Variants in KMT2C observed in about 807,000 individuals in gnomAD.
KMT2C encodes histone-lysine N-methyltransferase 2C.
In KMT2C, 88 loss-of-function variants were observed where a neutral mutation model predicts 507.9. That is an observed-to-expected ratio of 0.17 (90% CI 0.15 to 0.21). The LOEUF (loss-of-function observed/expected upper bound fraction) is 0.21. KMT2C is among the 10% of genes least tolerant of loss of function. KMT2C has a pLI of 1.00. For missense variants in KMT2C, 4,954 were observed against 5,957.8 expected (o/e 0.83, Z 5.55); for synonymous variants, 2,049 against 2,080.8 (o/e 0.98, Z 0.42).
At chr7:152,167,707 A>G (rs555988724) in intron 41 of KMT2C, among the ~76,000 whole-genome samples, 15 of 152,316 alleles carry the variant, frequency 9.8e-5, no homozygotes, top group African/African-American at 3.6e-4. Flanking sequence ...AAGCCAAACT[A>G]CATACTAAGG....
rs773392142 is a variant in KMT2C, at chr7:152,265,031, A to T, written c.1184+7T>A. On this transcript the variant is annotated splice_region_variant and intron_variant, in intron 8 of 58. Coordinates refer to ENST00000262189, the MANE Select transcript of KMT2C (RefSeq NM_170606.3). ...ATACACAGCTTTGAATTGAAATGAA[A>T]ACTTACTTGCAGTTCTGGCACACTT... is the stretch of plus-strand genomic sequence containing the variant. 1 of 1,613,434 alleles carries T rather than the reference A, an allele frequency of 6.2e-7. No individual in the cohort carries two copies.
chr7:152,162,857 A>G lies in KMT2C; in HGVS notation c.10720T>C (p.Ser3574Pro), dbSNP rs773202547. ...TAACTGTGTCCATGGGTTATAGTAG[A>G]ATCTTGGCCACATGGGAGACTGCTA... ...ANSSLPCGQD[S>P]TITHGHSYPG... The change falls in exon 43 of 59, where the codon TCT (serine) becomes CCT (proline). Residue 3574 changes from serine to proline, a missense_variant. By Grantham distance (74) the Ser-to-Pro change is moderately conservative. Coordinates refer to ENST00000262189, the MANE Select transcript of KMT2C (RefSeq NM_170606.3). 6.2e-7 allele frequency: 1 copy of G among 1,614,150 alleles called. No homozygotes were observed. The highest frequency in any genetic ancestry group is 1.7e-5 in the Admixed American group (1 of 60,026).
chr7:152,162,725 A>G lies in KMT2C; in HGVS notation c.10852T>C (p.Ser3618Pro). Residue 3618 changes from serine to proline, a missense_variant, in exon 43 of 59, where the codon TCC becomes CCC. Around this residue, in one of 29 missense-constraint regions of KMT2C, gnomAD observed 801 missense variants for 751.2 expected, o/e 1.07. Coordinates refer to ENST00000262189, the MANE Select transcript of KMT2C (RefSeq NM_170606.3). ...RKKKRDDDAESTKAPSTPHSD... is the reference protein window; with the variant it reads ...RKKKRDDDAEPTKAPSTPHSD... ...TGGGGAGTTGATGGAGCCTTGGTGGATTCTGCATCATCATCTCTTTTCTTC... is the reference window on the plus strand; with the variant it reads ...TGGGGAGTTGATGGAGCCTTGGTGGGTTCTGCATCATCATCTCTTTTCTTC... 6.2e-7 allele frequency: 1 copy of G among 1,614,146 alleles called. No individual in the cohort carries two copies. Among genetic ancestry groups the G allele is most frequent in the Non-Finnish European group, 8.5e-7 (1 of 1,180,024 alleles).
At chr7:152,302,405 G>A (rs1458603255) in intron 6 of KMT2C, among the ~76,000 whole-genome samples, 1 of 151,482 alleles carries the variant, frequency 6.6e-6, no homozygotes, top group East Asian at 2.0e-4. Flanking sequence ...TGTATTTTTA[G>A]TAGAGAGGGG....
intron 1 of KMT2C, among the ~76,000 whole-genome samples, chr7:152,402,569 G>A (rs1374850026): frequency 2.7e-5 from 4 of 147,064 alleles, no homozygotes; most frequent in Non-Finnish European, 4.5e-5. Context: ...AAAAGCACAA[G>A]CAAAAAAAAA....
intron 31 of KMT2C, 45 bp from the exon 32 acceptor site, chr7:152,187,892 A>T: frequency 1.9e-6 from 3 of 1,602,810 alleles, no homozygotes; most frequent in Non-Finnish European, 8.5e-7. Context: ...TTCACAAGTA[A>T]CAAGGAGTTG....
chr7:152,154,037 T>C lies in KMT2C; in HGVS notation c.12249A>G (p.Ala4083=). 1 of 1,614,122 alleles carries C rather than the reference T, an allele frequency of 6.2e-7. No individual in the cohort carries two copies. The highest frequency in any genetic ancestry group is 1.3e-5 in the African/African-American group (1 of 75,030). Residue 4083 remains alanine (A), a synonymous_variant, in exon 48 of 59, where the codon GCA becomes GCG. Coordinates refer to ENST00000262189, the MANE Select transcript of KMT2C (RefSeq NM_170606.3). ...CAGCAGCTGTAGGATGCAGAGTAAT[T>C]GCTACAGATATAAGACCTGATCTGG... ...NGPRSGLISV[A]ITLHPTAAEN... is the part of the protein sequence containing the mutation.
At position 152,178,015 on chromosome 7, in the gene KMT2C, T is replaced by TTAAAAAAAAAAAAAAAAAAAAAA. The variant is rs1491309235; in HGVS notation, c.7443-6_7443-5insTTTTTTTTTTTTTTTTTTTTTTA. The TTAAAAAAAAAAAAAAAAAAAAAA allele has an allele frequency of 2.5e-6, 2 of 811,048 alleles. No homozygotes were observed. Among genetic ancestry groups the TTAAAAAAAAAAAAAAAAAAAAAA allele is most frequent in the African/African-American group, 6.2e-5 (2 of 32,422 alleles). The allele number at this position is 811,048 out of a possible 1,614,324, so 50.2% of individuals were successfully genotyped here. On this transcript the variant is annotated splice_polypyrimidine_tract_variant and splice_region_variant and intron_variant, in intron 37 of 58. Coordinates refer to ENST00000262189, the MANE Select transcript of KMT2C (RefSeq NM_170606.3). ...CTACCTCCTGGAAATCCAAATCTTT[T>TTAAAAAAAAAAAAAAAAAAAAAA]AAAAAAAAAAAAAAAAAAAAAAAAA... is the stretch of plus-strand genomic sequence containing the variant.
intron 6 of KMT2C, among the ~76,000 whole-genome samples, chr7:152,284,030 T>A (rs2096259883): frequency 6.6e-6 from 1 of 152,138 alleles, no homozygotes; most frequent in Admixed American, 6.5e-5. Flanking sequence ...GTACACTTAG[T>A]TTTGATTACT....
intron 5 of KMT2C, among the ~76,000 whole-genome samples, chr7:152,310,770 A>G (rs889488548): frequency 3.3e-5 from 5 of 151,844 alleles, no homozygotes; most frequent in Admixed American, 3.3e-4. Context: ...TGCAGCCTCA[A>G]CCTCCAGGGT....
At position 152,332,657 on chromosome 7, in the gene KMT2C, C is replaced by A. The variant is rs575937003; in HGVS notation, c.251-1918G>T. ...GGTCCAGAGTTCGAGACCAGCCTGA[C>A]CAACAACATGGTGAAACCCTGTCTC... On this transcript the variant is annotated intron_variant, in intron 2 of 58. Coordinates refer to ENST00000262189, the MANE Select transcript of KMT2C (RefSeq NM_170606.3). Among the ~76,000 whole-genome samples the A allele has an allele frequency of 6.6e-5, 10 of 152,200 alleles. No homozygotes were observed. The South Asian group carries it at 2.1e-3, about 32-fold the overall frequency.
chr7:152,260,994 AAGAAG>A (rs543435221), intron 9 of KMT2C, among the ~76,000 whole-genome samples: 38 of 152,356 alleles, frequency 2.5e-4, no homozygotes, highest in African/African-American at 4.3e-4. Flanking sequence ...CAGGAAGTAA[AAGAAG>A]AGAAAAGTAG....
intron 2 of KMT2C, among the ~76,000 whole-genome samples, chr7:152,350,591 C>T (rs2097102937): frequency 6.6e-6 from 1 of 152,128 alleles, no homozygotes; most frequent in African/African-American, 2.4e-5. Flanking sequence ...GGTAAGAATA[C>T]AGTGTAAAAA....
At position 152,195,984 on chromosome 7, in the gene KMT2C, A is replaced by T. The variant is rs202223557; in HGVS notation, c.4301T>A (p.Ile1434Asn). The T allele has an allele frequency of 6.2e-7, 1 of 1,607,442 alleles. No homozygotes were observed. The highest frequency in any genetic ancestry group is 2.2e-5 in the East Asian group (1 of 44,756). Residue 1434 changes from isoleucine (I) to asparagine (N), a missense_variant, in exon 28 of 59, where the codon ATT (isoleucine) becomes AAT (asparagine). Ile to Asn is a moderately radical substitution (Grantham distance 149, BLOSUM62 -3). Coordinates refer to ENST00000262189, the MANE Select transcript of KMT2C (RefSeq NM_170606.3). ...ATCATCTGTGTTTAAAACTTCAGAA[A>T]TATCAGCTAATGGGTCATCAGCAGG... ...HGPADDPLAD[I>N]SEVLNTDDDI...
intron 16 of KMT2C, among the ~76,000 whole-genome samples, chr7:152,233,118 A>G (rs559003619): frequency 1.3e-5 from 2 of 152,330 alleles, no homozygotes; most frequent in South Asian, 4.1e-4. Flanking sequence ...TCATACTGTC[A>G]TATTTAAATA....
intron 1 of KMT2C, among the ~76,000 whole-genome samples, chr7:152,404,630 T>TGAAA (rs113947433): frequency 3.7e-4 from 20 of 54,190 alleles, no homozygotes; most frequent in African/African-American, 9.5e-4. Flanking sequence ...GACTCAGGTC[T>TGAAA]CAAAAAAAAA....
Position 152,258,981 on chromosome 7 carries a change from G to C in KMT2C, c.1299+4035C>G, listed in dbSNP as rs535673493. Among the ~76,000 whole-genome samples the C allele has an allele frequency of 2.6e-5, 4 of 152,312 alleles. No homozygotes were observed. The South Asian group carries it at 8.3e-4, about 32-fold the overall frequency. On this transcript the variant is annotated intron_variant, in intron 9 of 58. Coordinates refer to ENST00000262189, the MANE Select transcript of KMT2C (RefSeq NM_170606.3). ...GACCAGGTGATTCCCATGAGGGAAA[G>C]TGGAATAATGTGTGCTTCCAGCTGT...
At chr7:152,367,262 C>A (rs918475665) in intron 1 of KMT2C, 2 of 1,348,964 alleles carry the variant, frequency 1.5e-6, no homozygotes, top group Non-Finnish European at 2.1e-6. Context: ...GAAGAAGGAA[C>A]CAACATTCAA....
chr7:152,200,324 T>A (rs2094096516), intron 26 of KMT2C, among the ~76,000 whole-genome samples: 1 of 152,136 alleles, frequency 6.6e-6, no homozygotes, highest in Non-Finnish European at 1.5e-5. Context: ...TATAGACACT[T>A]ATATTACAAA....
Sources: gnomAD v4.1 joint callset for allele counts (sites outside exome capture counted in the v4.1 genomes callset) on GRCh38, gnomAD v4.1.1 for gene constraint, gnomAD v4.1.1 regional missense constraint, MANE v1.5 for transcripts, NCBI Gene and HGNC (gene_info 2026-07-23, HGNC 2026-07-21) for gene names.